KIAA1549L: variants seen among roughly 807,000 people sequenced by gnomAD.
KIAA1549L encodes KIAA1549 like.
KIAA1549L carries 88 observed loss-of-function variants against 160.7 expected under a neutral mutation model. The ratio of observed to expected loss-of-function variants is 0.55; its 90% CI spans 0.46 to 0.65. The LOEUF (loss-of-function observed/expected upper bound fraction) is 0.65, where lower values mean the gene tolerates loss of function less well. Among genes scored for constraint, KIAA1549L ranks in the 30% least tolerant of loss-of-function variants. The pLI, the probability that KIAA1549L is intolerant of heterozygous loss-of-function variation, is 0.00. For missense variants in KIAA1549L, 2,258 were observed against 2,437.5 expected (o/e 0.93, Z 1.55); for synonymous variants, 950 against 976.7 (o/e 0.97, Z 0.51).
intron 13 of KIAA1549L, among the ~76,000 whole-genome samples, chr11:33,599,790 A>G (rs926100435): frequency 2.0e-5 from 3 of 152,160 alleles, no homozygotes; most frequent in Non-Finnish European, 4.4e-5. Flanking sequence ...GAATTCAAGT[A>G]CCCAGCACTA....
chr11:33,639,253 G>T (rs771971808), intron 16 of KIAA1549L, among the ~76,000 whole-genome samples: 1 of 152,148 alleles, frequency 6.6e-6, no homozygotes, highest in Non-Finnish European at 1.5e-5. Context: ...TAGCCACTGT[G>T]TGCACTATTG....
intron 1 of KIAA1549L, among the ~76,000 whole-genome samples, chr11:33,453,967 C>T (rs987287586): frequency 1.3e-5 from 2 of 152,162 alleles, no homozygotes; most frequent in Non-Finnish European, 2.9e-5. Flanking sequence ...CCTTCACTCC[C>T]CCAGGTTTTT....
chr11:33,646,627 A>C (rs2133407669), intron 17 of KIAA1549L, among the ~76,000 whole-genome samples: 1 of 152,372 alleles, frequency 6.6e-6, no homozygotes, highest in East Asian at 1.9e-4. Context: ...AAGACTCTGC[A>C]AAAATCACAA....
chr11:33,460,481 G>A (rs569148338), intron 1 of KIAA1549L, among the ~76,000 whole-genome samples: 1 of 152,346 alleles, frequency 6.6e-6, no homozygotes, highest in South Asian at 2.1e-4. Flanking sequence ...TCCTGGTGTA[G>A]CAGAACCATT....
At chr11:33,469,389 A>G (rs1478490618) in intron 1 of KIAA1549L, among the ~76,000 whole-genome samples, 3 of 152,104 alleles carry the variant, frequency 2.0e-5, no homozygotes, top group African/African-American at 4.8e-5. Flanking sequence ...GCTGAATACT[A>G]TGAATATAAT....
intron 1 of KIAA1549L, among the ~76,000 whole-genome samples, chr11:33,414,315 GGAT>G (rs1850844622): frequency 6.6e-6 from 1 of 152,136 alleles, no homozygotes; most frequent in African/African-American, 2.4e-5. Flanking sequence ...AATATTCCAT[GGAT>G]GATTAGATAA....
rs112951362 is a variant in KIAA1549L at position 33,457,937 on chromosome 11, C to T, written c.238+81048C>T. 9.8e-3 allele frequency among the ~76,000 whole-genome samples: 1,499 copies of T among 152,294 alleles called. 22 individuals are homozygous for T. Among genetic ancestry groups the T allele is most frequent in the South Asian group, 0.04 (191 of 4,828 alleles). On this transcript the variant is annotated intron_variant, in intron 1 of 20. Coordinates refer to ENST00000658780, the MANE Select transcript of KIAA1549L (RefSeq NM_012194.3). ...ACACTCTCTCTTCTACAGTCCAGAACGTATGTGATGCTCTGGATACCCAGG... is the reference window on the plus strand; with the variant it reads ...ACACTCTCTCTTCTACAGTCCAGAATGTATGTGATGCTCTGGATACCCAGG...
chr11:33,538,628 AAGAC>A (rs1853946129), intron 1 of KIAA1549L, among the ~76,000 whole-genome samples: 1 of 152,194 alleles, frequency 6.6e-6, no homozygotes, highest in African/African-American at 2.4e-5. Flanking sequence ...GGGGAGAAGA[AAGAC>A]AGAGGGAATC....
At chr11:33,435,818 G>GTGTGTGTGTGTATATA (rs1554976830) in intron 1 of KIAA1549L, among the ~76,000 whole-genome samples, 12 of 45,316 alleles carry the variant, frequency 2.6e-4, no homozygotes, top group South Asian at 1.8e-3. Context: ...ATATGTGTGT[G>GTGTGTGTGTGTATATA]TATATATATA....
At chr11:33,435,816 G>GTATATATATATATATATATA (rs1554976825) in intron 1 of KIAA1549L, among the ~76,000 whole-genome samples, 1 of 39,584 alleles carries the variant, frequency 2.5e-5, no homozygotes, top group African/African-American at 1.6e-4. Context: ...ATATATGTGT[G>GTATATATATATATATATATA]TGTATATATA....
chr11:33,640,061 T>C (rs749775544), intron 16 of KIAA1549L, among the ~76,000 whole-genome samples: 7 of 152,192 alleles, frequency 4.6e-5, no homozygotes, highest in Non-Finnish European at 1.0e-4. Flanking sequence ...TATTGTAATG[T>C]CATTTTTAAA....
chr11:33,410,078 T>A (rs1197634669), intron 1 of KIAA1549L, among the ~76,000 whole-genome samples: 3 of 152,150 alleles, frequency 2.0e-5, no homozygotes, highest in Admixed American at 2.0e-4. Context: ...TTTACAAACA[T>A]GCAGAATGTT....
At chr11:33,438,250 T>C (rs1006076400) in intron 1 of KIAA1549L, among the ~76,000 whole-genome samples, 1 of 152,224 alleles carries the variant, frequency 6.6e-6, no homozygotes, top group Admixed American at 6.5e-5. Flanking sequence ...GCTGGTAGCC[T>C]AACTAAATTA....
At chr11:33,406,974 T>G (rs116693557) in intron 1 of KIAA1549L, among the ~76,000 whole-genome samples, 304 of 152,294 alleles carry the variant, frequency 2.0e-3, no homozygotes, top group African/African-American at 7.0e-3. Context: ...CTAGTTTCTG[T>G]CTTTGAGCTC....
intron 1 of KIAA1549L, among the ~76,000 whole-genome samples, chr11:33,429,317 T>C (rs1050704724): frequency 6.6e-6 from 1 of 152,192 alleles, no homozygotes; most frequent in African/African-American, 2.4e-5. Context: ...GAATTGACCA[T>C]TTGTATATCT....
intron 1 of KIAA1549L, among the ~76,000 whole-genome samples, chr11:33,515,877 C>T (rs189016767): frequency 5.3e-5 from 8 of 152,252 alleles, no homozygotes; most frequent in Admixed American, 4.6e-4. Context: ...GGTGCTAGAC[C>T]TTTGGCAAGT....
Position 33,483,756 on chromosome 11 carries a change from G to T in KIAA1549L, c.239-58046G>T, listed in dbSNP as rs116417117. Among the ~76,000 whole-genome samples the T allele has an allele frequency of 4.7e-4, 71 of 152,134 alleles. 1 individual carries two copies. Among genetic ancestry groups the T allele is most frequent in the Non-Finnish European group, 6.3e-4 (43 of 68,020 alleles). ...GGTTTTATAAGGGGAAACCCCTTTCGCTTGGTTCCCATCTGTGACCATGTA... is the reference window on the plus strand; with the variant it reads ...GGTTTTATAAGGGGAAACCCCTTTCTCTTGGTTCCCATCTGTGACCATGTA... On this transcript the variant is annotated intron_variant, in intron 1 of 20. Coordinates refer to ENST00000658780, the MANE Select transcript of KIAA1549L (RefSeq NM_012194.3).
chr11:33,616,991 A>T (rs1415053817), intron 15 of KIAA1549L, among the ~76,000 whole-genome samples: 4 of 152,184 alleles, frequency 2.6e-5, no homozygotes, highest in African/African-American at 9.6e-5. Context: ...TTACAAAAAA[A>T]TTAGCCTAGC....
Position 33,668,507 on chromosome 11 carries a change from C to G in KIAA1549L, c.*353C>G, listed in dbSNP as rs951866795. 1 of 304,122 alleles carries G rather than the reference C, an allele frequency of 3.3e-6. No individual in the cohort carries two copies. The highest frequency in any genetic ancestry group is 2.1e-5 in the African/African-American group (1 of 47,304). The allele number at this position is 304,122 out of a possible 1,614,324, so 18.8% of individuals were successfully genotyped here. A position where few individuals can be genotyped will look rare whatever the true frequency, so the allele number is the denominator to read the frequency against. ...CCACATTTTAATAAATCACCGGAAG[C>G]GGGAGAATGTAGCTCTTATCTTCGG... is the stretch of plus-strand genomic sequence containing the variant. On this transcript the variant is annotated 3_prime_UTR_variant, in exon 21 of 21. Transcript: ENST00000658780.
Sources: allele counts gnomAD v4.1 joint callset (sites outside exome capture counted in the v4.1 genomes callset), GRCh38; gene constraint gnomAD v4.1.1; transcripts MANE v1.5; gene names NCBI Gene and HGNC (gene_info 2026-07-23, HGNC 2026-07-21).